The following TMPRSS11E variants were observed in gnomAD, a reference collection of about 807,000 sequenced individuals.
TMPRSS11E encodes the protein transmembrane serine protease 11E, also known as transmembrane protease serine 11E.
Under a neutral mutation model 48.1 loss-of-function variants are expected in TMPRSS11E, and 38 were observed. That is an observed-to-expected ratio of 0.79 (90% CI 0.61 to 1.04). The LOEUF (loss-of-function observed/expected upper bound fraction) is 1.04. Among genes scored for constraint, TMPRSS11E ranks in the 50% least tolerant of loss-of-function variants. The pLI, the probability that TMPRSS11E is intolerant of heterozygous loss-of-function variation, is 0.00. For synonymous variants in TMPRSS11E, 158 were observed against 171.9 expected (o/e 0.92, Z 0.63); for missense variants, 530 against 510.8 (o/e 1.04, Z -0.36).
chr4:68,471,701 T>G, intron 5 of TMPRSS11E, 78 bp downstream of exon 5: 1 of 1,181,120 alleles, frequency 8.5e-7, no homozygotes, highest in Non-Finnish European at 1.1e-6. Flanking sequence ...TAAAAAATTT[T>G]TTTTGATGTC....
intron 2 of TMPRSS11E, among the ~76,000 whole-genome samples, chr4:68,464,807 A>T (rs938795156): frequency 1.6e-4 from 24 of 152,180 alleles, no homozygotes; most frequent in Admixed American, 9.8e-4. Context: ...TTGCTATTTA[A>T]TATGTGATTA....
chr4:68,495,378 C>T (rs939778471), intron 9 of TMPRSS11E, among the ~76,000 whole-genome samples: 7 of 151,932 alleles, frequency 4.6e-5, no homozygotes, highest in Non-Finnish European at 8.8e-5. Flanking sequence ...TTCTATTTCT[C>T]TATCCTGATT....
chr4:68,465,500 C>A (rs150927367), intron 2 of TMPRSS11E, among the ~76,000 whole-genome samples: 4,029 of 152,220 alleles, frequency 0.026, 180 homozygotes, highest in African/African-American at 0.092. Flanking sequence ...GGGAGTTAGT[C>A]TTGGCTATGT....
intron 3 of TMPRSS11E, among the ~76,000 whole-genome samples, chr4:68,468,435 A>T (rs1313497578): frequency 1.3e-5 from 2 of 152,052 alleles, no homozygotes; most frequent in African/African-American, 4.8e-5. Flanking sequence ...TGCCAGGAAA[A>T]CTGACAACTT....
chr4:68,457,621 A>C (rs1728669379), intron 1 of TMPRSS11E, among the ~76,000 whole-genome samples: 1 of 152,180 alleles, frequency 6.6e-6, no homozygotes, highest in African/African-American at 2.4e-5. Flanking sequence ...GGCACTGTTC[A>C]CAATAGCAAA....
At chr4:68,475,917 C>T (rs1450117998) in intron 6 of TMPRSS11E, among the ~76,000 whole-genome samples, 1 of 152,146 alleles carries the variant, frequency 6.6e-6, no homozygotes, top group Non-Finnish European at 1.5e-5. Flanking sequence ...CACATAAGCA[C>T]ACATACAGAG....
intron 9 of TMPRSS11E, among the ~76,000 whole-genome samples, chr4:68,485,549 G>A (rs951847549): frequency 2.5e-4 from 38 of 152,160 alleles, no homozygotes; most frequent in African/African-American, 9.2e-4. Flanking sequence ...GATTTGGTTT[G>A]CAAGTATTTT....
chr4:68,470,101 T>C (rs184746136), intron 4 of TMPRSS11E, among the ~76,000 whole-genome samples: 37 of 151,866 alleles, frequency 2.4e-4, no homozygotes, highest in African/African-American at 8.7e-4. Context: ...CATATGAACC[T>C]GAAAAATGAG....
intron 3 of TMPRSS11E, among the ~76,000 whole-genome samples, chr4:68,467,632 G>A (rs1728961547): frequency 1.3e-5 from 2 of 152,150 alleles, no homozygotes; most frequent in South Asian, 4.1e-4. Context: ...TTTCCAAATT[G>A]TCTTCCAGTT....
chr4:68,450,781 G>T (rs191127645), intron 1 of TMPRSS11E, among the ~76,000 whole-genome samples: 1 of 151,954 alleles, frequency 6.6e-6, no homozygotes, highest in Admixed American at 6.6e-5. Context: ...TATCTTTTCT[G>T]CACTGTTTCA....
intron 5 of TMPRSS11E, among the ~76,000 whole-genome samples, chr4:68,472,275 A>G (rs1431062829): frequency 6.6e-6 from 1 of 152,002 alleles, no homozygotes; most frequent in East Asian, 1.9e-4. Context: ...GTCTATAGAA[A>G]TACTATCTGG....
intron 8 of TMPRSS11E, among the ~76,000 whole-genome samples, chr4:68,478,517 C>T (rs1177617829): frequency 1.5e-5 from 2 of 134,082 alleles, no homozygotes; most frequent in East Asian, 2.7e-4. Flanking sequence ...TTCAGTGGCC[C>T]GATCTTGGCT....
chr4:68,480,172 G>A (rs1729362943), intron 9 of TMPRSS11E, among the ~76,000 whole-genome samples: 2 of 151,686 alleles, frequency 1.3e-5, no homozygotes, highest in Non-Finnish European at 2.9e-5. Context: ...TATATCCTTT[G>A]TCAAGTTTGA....
At chr4:68,480,837 C>T (rs966229783) in intron 9 of TMPRSS11E, among the ~76,000 whole-genome samples, 26 of 152,102 alleles carry the variant, frequency 1.7e-4, no homozygotes, top group Admixed American at 6.6e-5. Flanking sequence ...GAGGTTACAT[C>T]TGCAGGATTG....
chr4:68,469,761 T>A (rs1296036119), intron 4 of TMPRSS11E, among the ~76,000 whole-genome samples: 1 of 151,970 alleles, frequency 6.6e-6, no homozygotes, highest in Non-Finnish European at 1.5e-5. Context: ...TAGTCTGAAC[T>A]ATTTTTCTGA....
intron 7 of TMPRSS11E, among the ~76,000 whole-genome samples, chr4:68,476,835 C>T (rs747622086): frequency 6.6e-6 from 1 of 151,792 alleles, no homozygotes. Context: ...GAATTAAATA[C>T]GAAGAATTAT....
chr4:68,479,138 C>T, intron 9 of TMPRSS11E, 147 bp downstream of exon 9: 1 of 919,890 alleles, frequency 1.1e-6, no homozygotes. Flanking sequence ...TCTCACATAA[C>T]TATAGTTCAA....
chr4:68,481,811 T>C (rs1031074558), intron 9 of TMPRSS11E, among the ~76,000 whole-genome samples: 2 of 152,026 alleles, frequency 1.3e-5, no homozygotes, highest in East Asian at 3.9e-4. Context: ...TTAGCCAATG[T>C]GGTGGTGTGT....
rs2109731165 is a variant in TMPRSS11E at position 68,497,001 on chromosome 4, CTG to C, written c.*199_*200del. The C allele has an allele frequency of 1.9e-6, 1 of 538,568 alleles. No homozygotes were observed. Among genetic ancestry groups the C allele is most frequent in the Admixed American group, 3.6e-5 (1 of 28,110 alleles). The allele number at this position is 538,568 out of a possible 1,614,324, so 33.4% of individuals were successfully genotyped here. ...GCATCCTGCTTCTGCCAGATCAACT[CTG>C]TCATCTGTGAGCAATAGTTGAAACT... On this transcript the variant is annotated 3_prime_UTR_variant, in exon 10 of 10. Coordinates refer to ENST00000305363, the MANE Select transcript of TMPRSS11E (RefSeq NM_014058.4).
Sources: gnomAD v4.1 joint callset for allele counts (sites outside exome capture counted in the v4.1 genomes callset) on GRCh38, gnomAD v4.1.1 for gene constraint, MANE v1.5 for transcripts, NCBI Gene and HGNC (gene_info 2026-07-23, HGNC 2026-07-21) for gene names.